DDX10: variants seen among roughly 807,000 people sequenced by gnomAD.
The protein encoded by DDX10 is DEAD-box helicase 10, also known as probable ATP-dependent RNA helicase DDX10.
Under a neutral mutation model 104.3 loss-of-function variants are expected in DDX10, and 74 were observed. The ratio of observed to expected loss-of-function variants is 0.71; its 90% CI spans 0.59 to 0.86. The LOEUF (loss-of-function observed/expected upper bound fraction) is 0.86. Ranked by LOEUF, DDX10 falls within the 40% of genes least tolerant of loss-of-function variation. The probability of loss-of-function intolerance (pLI) is 0.00; values close to 1 mark genes in which losing one functional copy is unlikely to be tolerated. For synonymous variants in DDX10, 351 were observed against 353.4 expected (o/e 0.99, Z 0.08); for missense variants, 952 against 1,040.0 (o/e 0.92, Z 1.16).
chr11:108,685,661 G>A (rs2094242927), intron 6 of DDX10, among the ~76,000 whole-genome samples: 1 of 152,184 alleles, frequency 6.6e-6, no homozygotes, highest in South Asian at 2.1e-4. Flanking sequence ...CTTTACAGTG[G>A]ACAGGCCTTT....
At chr11:108,824,304 A>C (rs1862366864) in intron 13 of DDX10, among the ~76,000 whole-genome samples, 1 of 152,220 alleles carries the variant, frequency 6.6e-6, no homozygotes, top group Non-Finnish European at 1.5e-5. Flanking sequence ...TGGCCTCGCA[A>C]AGTGGCATGA....
chr11:108,675,014 A>G (rs1426317315), intron 2 of DDX10, among the ~76,000 whole-genome samples: 4 of 152,106 alleles, frequency 2.6e-5, no homozygotes, highest in African/African-American at 7.2e-5. Flanking sequence ...TTCAGTTAAC[A>G]TAAGGTCCTC....
At chr11:108,787,884 C>A (rs542392186) in intron 13 of DDX10, among the ~76,000 whole-genome samples, 3 of 152,054 alleles carry the variant, frequency 2.0e-5, no homozygotes, top group Non-Finnish European at 4.4e-5. Context: ...GAGCGGAGAT[C>A]GTGCCATTGC....
chr11:108,765,183 G>A (rs987374532), intron 13 of DDX10, among the ~76,000 whole-genome samples: 1 of 152,038 alleles, frequency 6.6e-6, no homozygotes, highest in Admixed American at 6.6e-5. Flanking sequence ...TGACTCTGAG[G>A]GAACAAATAT....
intron 13 of DDX10, among the ~76,000 whole-genome samples, chr11:108,814,311 CA>C (rs575891112): frequency 1.2e-3 from 185 of 152,230 alleles, no homozygotes; most frequent in Non-Finnish European, 2.3e-3. Flanking sequence ...TCCCCTTTCT[CA>C]GTCTCTATTT....
rs1863778193 is a variant in DDX10 at position 108,918,215 on chromosome 11, G to C, written c.2450+197G>C. 4 of 591,454 alleles carry C rather than the reference G, an allele frequency of 6.8e-6. No individual in the cohort carries two copies. In the South Asian group the frequency reaches 9.4e-5, roughly 14 times the overall value. 36.6% of individuals were successfully genotyped at this position (591,454 alleles called of 1,614,324 possible). ...TGCAGATTGTTCTGGTCATGTTAGG[G>C]CCTTTTTGATTATTTCTATAATCCC... On this transcript the variant is annotated intron_variant, in intron 17 of 17. Transcript: ENST00000322536.
chr11:108,694,552 A>G (rs1014945915), intron 9 of DDX10, among the ~76,000 whole-genome samples: 10 of 152,104 alleles, frequency 6.6e-5, no homozygotes, highest in Admixed American at 3.3e-4. Context: ...AAAGTATCCT[A>G]TGTTTGCTCA....
At chr11:108,700,374 C>G (rs1249584568) in intron 9 of DDX10, among the ~76,000 whole-genome samples, 1 of 152,128 alleles carries the variant, frequency 6.6e-6, no homozygotes, top group Non-Finnish European at 1.5e-5. Context: ...TAGTAAGTAC[C>G]AGGCCTGGGA....
chr11:108,929,540 C>G (rs550264412), intron 17 of DDX10: 1 of 152,246 alleles, frequency 6.6e-6, no homozygotes, highest in African/African-American at 2.4e-5. Context: ...ATGTGTCTAT[C>G]CTGATTGTGA....
Position 108,723,284 on chromosome 11 carries a change from T to A in DDX10, c.1787T>A (p.Leu596Gln). The change falls in exon 13 of 18, where the codon CTG (leucine) becomes CAG (glutamine). Residue 596 changes from leucine (L) to glutamine (Q), a missense_variant. By Grantham distance (113) the Leu-to-Gln change is moderately radical. Transcript: ENST00000322536. Reference protein sequence around the residue: ...EDDEEEMEEKLAKAKGSQAPS... With the variant: ...EDDEEEMEEKQAKAKGSQAPS... ...GATGAAGAAGAAATGGAAGAGAAAC[T>A]GGCAAAAGCAAAAGGATCTCAAGCC... 6.2e-7 allele frequency: 1 copy of A among 1,613,598 alleles called. No individual in the cohort carries two copies. The highest frequency in any genetic ancestry group is 1.3e-5 in the African/African-American group (1 of 75,010).
chr11:108,769,464 C>T (rs2094360239), intron 13 of DDX10, among the ~76,000 whole-genome samples: 1 of 151,946 alleles, frequency 6.6e-6, no homozygotes, highest in African/African-American at 2.4e-5. Flanking sequence ...AAAGTAGTAT[C>T]TCATTTTTGT....
At position 108,918,118 on chromosome 11, in the gene DDX10, G is replaced by A. The variant is rs189305609; in HGVS notation, c.2450+100G>A. ...TACTAAGAGTTCTACTCCAAGAGAT[G>A]TTTGTTGCTTTTTTTTGATACCTTT... is the stretch of plus-strand genomic sequence containing the variant. On this transcript the variant is annotated intron_variant, in intron 17 of 17. Coordinates refer to ENST00000322536, the MANE Select transcript of DDX10 (RefSeq NM_004398.4). 2.4e-6 allele frequency: 3 copies of A among 1,244,198 alleles called. No homozygotes were observed. In the Admixed American group the frequency reaches 6.2e-5, roughly 26 times the overall value. The allele number at this position is 1,244,198 out of a possible 1,614,324, so 77.1% of individuals were successfully genotyped here. A position where few individuals can be genotyped will look rare whatever the true frequency, so the allele number is the denominator to read the frequency against.
At chr11:108,742,957 T>C (rs2094327076) in intron 13 of DDX10, among the ~76,000 whole-genome samples, 1 of 152,118 alleles carries the variant, frequency 6.6e-6, no homozygotes, top group Non-Finnish European at 1.5e-5. Flanking sequence ...TTCTAGTAGA[T>C]GAAGAAAAGT....
At position 108,837,607 on chromosome 11, in the gene DDX10, C is replaced by CTTTTTTTTT. The variant is rs142381520; in HGVS notation, c.1966-812_1966-804dup. Reference sequence around the variant, plus strand: ...TTCTGCATCTCACCTTTGGATACAGCTTTTTTTTTTTTTTTTTTTTTTTTT... The same window carrying CTTTTTTTTT: ...TTCTGCATCTCACCTTTGGATACAGCTTTTTTTTTTTTTTTTTTTTTTTTTTTTTTTTTT... On this transcript the variant is annotated intron_variant, in intron 13 of 17. Coordinates refer to ENST00000322536, the MANE Select transcript of DDX10 (RefSeq NM_004398.4). Among the ~76,000 whole-genome samples, 40 of 34,750 alleles carry CTTTTTTTTT rather than the reference C, an allele frequency of 1.2e-3. 7 individuals are homozygous for CTTTTTTTTT. The highest frequency in any genetic ancestry group is 3.3e-3 in the African/African-American group (26 of 7,928). 22.8% of individuals were successfully genotyped at this position (34,750 alleles called of 152,430 possible).
Position 108,691,988 on chromosome 11 carries a change from G to C in DDX10, c.1088G>C (p.Arg363Pro), listed in dbSNP as rs199899756. 1.2e-6 allele frequency: 2 copies of C among 1,613,982 alleles called. No individual in the cohort carries two copies. The highest frequency in any genetic ancestry group is 1.7e-6 in the Non-Finnish European group (2 of 1,179,936). The change falls in exon 8 of 18, where the codon CGT (arginine) becomes CCT (proline). Residue 363 changes from arginine to proline, a missense_variant. Physicochemically the swap from Arg to Pro is moderately radical, Grantham distance 103. Around this residue, in one of 3 missense-constraint regions of DDX10, gnomAD observed 412 missense variants for 479.2 expected, o/e 0.86. Transcript: ENST00000322536. ...RRMEVYNEFV[R>P]KRAAVLFATD... ...ATGGAAGTCTATAATGAGTTTGTCC[G>C]TAAGAGAGCTGCAGTACTCTTTGCT...
intron 13 of DDX10, among the ~76,000 whole-genome samples, chr11:108,762,514 C>A (rs1272120066): frequency 6.6e-6 from 1 of 152,032 alleles, no homozygotes; most frequent in Non-Finnish European, 1.5e-5. Context: ...ACCAAAAAAC[C>A]TAAGAAGGAG....
chr11:108,806,830 A>G (rs1371171448), intron 13 of DDX10, among the ~76,000 whole-genome samples: 3 of 152,182 alleles, frequency 2.0e-5, no homozygotes, highest in Admixed American at 1.3e-4. Context: ...AGAAATTGGT[A>G]TGATCTAGCA....
intron 13 of DDX10, among the ~76,000 whole-genome samples, chr11:108,733,652 G>A (rs952521603): frequency 1.3e-5 from 2 of 152,050 alleles, no homozygotes; most frequent in African/African-American, 4.8e-5. Flanking sequence ...TGCTTGCTTT[G>A]ATTCCCGTCA....
At chr11:108,752,161 C>A (rs1350582894) in intron 13 of DDX10, among the ~76,000 whole-genome samples, 2 of 152,054 alleles carry the variant, frequency 1.3e-5, no homozygotes, top group Non-Finnish European at 1.5e-5. Context: ...CGTGAAGTTA[C>A]GTCTTGAGGA....
Sources: gnomAD v4.1 joint callset for allele counts (sites outside exome capture counted in the v4.1 genomes callset) on GRCh38, gnomAD v4.1.1 for gene constraint, gnomAD v4.1.1 regional missense constraint, MANE v1.5 for transcripts, NCBI Gene and HGNC (gene_info 2026-07-23, HGNC 2026-07-21) for gene names.